Variants in BLOC1S6 observed in about 807,000 individuals in gnomAD.
BLOC1S6 encodes biogenesis of lysosomal organelles complex 1 subunit 6.
In BLOC1S6, 24 loss-of-function variants were observed where a neutral mutation model predicts 24.7. That is an observed-to-expected ratio of 0.97 (90% CI 0.70 to 1.37). The LOEUF (loss-of-function observed/expected upper bound fraction) is 1.37. Among genes scored for constraint, BLOC1S6 ranks in the 40% most tolerant of loss-of-function variants. The probability of loss-of-function intolerance (pLI) is 0.00; values close to 1 mark genes in which losing one functional copy is unlikely to be tolerated. For synonymous variants in BLOC1S6, 76 were observed against 72.6 expected, an observed-to-expected ratio of 1.05 and a Z score of -0.23; for missense variants, 175 against 196.2, an observed-to-expected ratio of 0.89 and a Z score of 0.64.
intron 2 of BLOC1S6, chr15:45,602,287 C>CTTTT: frequency 1.9e-6 from 1 of 523,590 alleles, no homozygotes; most frequent in South Asian, 2.2e-5. Context: ...GTTGTTATTT[C>CTTTT]TTTTTTTTTT....
intron 2 of BLOC1S6, among the ~76,000 whole-genome samples, chr15:45,595,481 T>C (rs1301737759): frequency 1.3e-5 from 2 of 151,984 alleles, no homozygotes; most frequent in Non-Finnish European, 2.9e-5. Context: ...AATTGGATTG[T>C]TTTTCTTATT....
intron 2 of BLOC1S6, among the ~76,000 whole-genome samples, chr15:45,596,401 T>C (rs141413776): frequency 2.7e-4 from 41 of 151,238 alleles, no homozygotes; most frequent in Non-Finnish European, 1.8e-4. Flanking sequence ...TTTCACCATA[T>C]TGCCCTGGCT....
In BLOC1S6 at chr15:45,603,169, G is replaced by A; in HGVS notation, c.294G>A (p.Met98Ile). 6.3e-7 allele frequency: 1 copy of A among 1,598,214 alleles called. No homozygotes were observed. The highest frequency in any genetic ancestry group is 8.6e-7 in the Non-Finnish European group (1 of 1,166,336). ...EISKFKECHSMLDINALFAEA... is the reference protein window; with the variant it reads ...EISKFKECHSILDINALFAEA... Reference sequence around the variant, plus strand: ...CAAAATTTAAAGAATGTCATTCTATGTTGGATATTAATGCTTTGGTAAGTA... The same window carrying A: ...CAAAATTTAAAGAATGTCATTCTATATTGGATATTAATGCTTTGGTAAGTA... Residue 98 changes from methionine to isoleucine, a missense_variant, in exon 3 of 5, where the codon ATG becomes ATA. By Grantham distance (10) the Met-to-Ile change is conservative. Coordinates refer to ENST00000220531, the MANE Select transcript of BLOC1S6 (RefSeq NM_012388.4).
intron 3 of BLOC1S6, among the ~76,000 whole-genome samples, chr15:45,604,601 A>G (rs1052447671): frequency 3.3e-5 from 5 of 152,128 alleles, no homozygotes; most frequent in Non-Finnish European, 5.9e-5. Context: ...TTTTATTATC[A>G]TCTGGGAACT....
upstream of BLOC1S6, chr15:45,587,320 C>A (rs1893708766): frequency 1.1e-5 from 10 of 948,424 alleles, no homozygotes; most frequent in South Asian, 1.4e-4. Flanking sequence ...GCAGTTTTTT[C>A]GCCCCCGTCA....
intron 2 of BLOC1S6, among the ~76,000 whole-genome samples, chr15:45,600,298 A>G (rs937806283): frequency 6.6e-6 from 1 of 151,556 alleles, no homozygotes; most frequent in Non-Finnish European, 1.5e-5. Flanking sequence ...AACCTGCACA[A>G]TGTGCACATG....
chr15:45,587,341 C>T (rs1378980064), upstream of BLOC1S6: 10 of 1,169,638 alleles, frequency 8.5e-6, no homozygotes, highest in Admixed American at 2.0e-5. Flanking sequence ...CTTCCGGGTG[C>T]GACAATCTCT....
At position 45,606,409 on chromosome 15, in the gene BLOC1S6, A is replaced by G; in HGVS notation, c.414A>G (p.Lys138=). 6.2e-7 allele frequency: 1 copy of G among 1,614,026 alleles called. No individual in the cohort carries two copies. The highest frequency in any genetic ancestry group is 8.5e-7 in the Non-Finnish European group (1 of 1,180,026). The change falls in exon 5 of 5, where the codon AAA becomes AAG. Residue 138 remains lysine, a synonymous_variant. Coordinates refer to ENST00000220531, the MANE Select transcript of BLOC1S6 (RefSeq NM_012388.4). ...KTSKLKKRAL[K]LQQKRQKEEL... is the part of the protein sequence containing the mutation. ...TTTTAACACAGAAAAGAGCACTTAA[A>G]CTGCAGCAGAAGAGGCAAAAAGAAG...
intron 2 of BLOC1S6, chr15:45,601,132 T>C (rs1195084621): frequency 1.3e-5 from 2 of 154,168 alleles, no homozygotes; most frequent in African/African-American, 4.8e-5. Flanking sequence ...CAATAACTAA[T>C]AATAAAATAC....
chr15:45,609,511 G>A lies in BLOC1S6; in HGVS notation c.*2997G>A, dbSNP rs1018543496. ...TGTGTTCTGAACTAAAATGATGGGA[G>A]TTCATTTTGTATTTACTTTGCAGTA... On this transcript the variant is annotated 3_prime_UTR_variant, in exon 5 of 5. Transcript: ENST00000220531. The A allele has an allele frequency of 1.3e-5, 2 of 152,150 alleles. No homozygotes were observed. The highest frequency in any genetic ancestry group is 2.9e-5 in the Non-Finnish European group (2 of 68,036). The allele number at this position is 152,150 out of a possible 1,614,324, so 9.4% of individuals were successfully genotyped here.
At chr15:45,587,606 C>G (rs1893725098) in intron 1 of BLOC1S6, 81 bp downstream of exon 1, 1 of 1,382,012 alleles carries the variant, frequency 7.2e-7, no homozygotes, top group Non-Finnish European at 9.9e-7. Context: ...CCGGAGAAAC[C>G]CTGGGGGAGT....
At chr15:45,605,324 C>T (rs1408143434) in intron 3 of BLOC1S6, 104 bp from the exon 4 acceptor site, 4 of 881,468 alleles carry the variant, frequency 4.5e-6, no homozygotes, top group Non-Finnish European at 7.1e-6. Context: ...AAAATTTTGA[C>T]CAATTTAGGA....
rs1894568393 is a variant in BLOC1S6 at position 45,608,677 on chromosome 15, A to T, written c.*2163A>T. 6.6e-6 allele frequency: 1 copy of T among 152,270 alleles called. No individual in the cohort carries two copies. The highest frequency in any genetic ancestry group is 2.1e-4 in the South Asian group (1 of 4,834). The allele number at this position is 152,270 out of a possible 1,614,324, so 9.4% of individuals were successfully genotyped here. Reference sequence around the variant, plus strand: ...GCATTATAACCTGGGAACGTTAAAAAAAATACAGACATTCTTGATTCTTAG... The same window carrying T: ...GCATTATAACCTGGGAACGTTAAAATAAATACAGACATTCTTGATTCTTAG... On this transcript the variant is annotated 3_prime_UTR_variant, in exon 5 of 5. Coordinates refer to ENST00000220531, the MANE Select transcript of BLOC1S6 (RefSeq NM_012388.4).
intron 1 of BLOC1S6, among the ~76,000 whole-genome samples, chr15:45,591,800 A>C (rs542986189): frequency 2.0e-5 from 3 of 151,822 alleles, no homozygotes; most frequent in African/African-American, 4.9e-5. Context: ...TAGTAACTTA[A>C]AAACATTTTT....
At chr15:45,588,529 AC>A (rs1399695291) in intron 1 of BLOC1S6, among the ~76,000 whole-genome samples, 3 of 152,162 alleles carry the variant, frequency 2.0e-5, no homozygotes, top group Non-Finnish European at 2.9e-5. Context: ...ATTCTCCTAT[AC>A]AATTCCATCT....
chr15:45,592,180 C>A lies in BLOC1S6; in HGVS notation c.128C>A (p.Thr43Asn). ...SPDEGLIEDLTIEDKAVEQLA... is the reference protein window; with the variant it reads ...SPDEGLIEDLNIEDKAVEQLA... ...GATGAAGGGTTAATAGAGGACTTGA[C>A]TATAGAAGACAAAGCAGTGGAGCAA... Residue 43 changes from threonine to asparagine, a missense_variant, in exon 2 of 5, where the codon ACT becomes AAT. Coordinates refer to ENST00000220531, the MANE Select transcript of BLOC1S6 (RefSeq NM_012388.4). The A allele has an allele frequency of 6.2e-7, 1 of 1,614,126 alleles. No homozygotes were observed. The highest frequency in any genetic ancestry group is 8.5e-7 in the Non-Finnish European group (1 of 1,180,020).
intron 3 of BLOC1S6, among the ~76,000 whole-genome samples, chr15:45,604,014 G>A (rs1293213461): frequency 6.6e-6 from 1 of 151,872 alleles, no homozygotes; most frequent in Admixed American, 6.6e-5. Flanking sequence ...AAGAAACAAG[G>A]AATTAACCAA....
upstream of BLOC1S6, chr15:45,587,149 A>G (rs999799039): frequency 1.4e-5 from 7 of 494,218 alleles, no homozygotes; most frequent in Non-Finnish European, 2.6e-5. Context: ...GCCCAAACCG[A>G]CCACCGTCCT....
chr15:45,602,469 G>A (rs980026582), intron 2 of BLOC1S6: 4 of 555,918 alleles, frequency 7.2e-6, no homozygotes, highest in Non-Finnish European at 3.2e-6. Flanking sequence ...CTTCCTCAAT[G>A]AGTTTTGAAT....
Sources: gnomAD v4.1 joint callset for allele counts (sites outside exome capture counted in the v4.1 genomes callset) on GRCh38, gnomAD v4.1.1 for gene constraint, MANE v1.5 for transcripts, NCBI Gene and HGNC (gene_info 2026-07-23, HGNC 2026-07-21) for gene names.